ATRN: variants seen among roughly 807,000 people sequenced by gnomAD.
ATRN encodes the protein attractin, also known as attractin-2.
Under a neutral mutation model 178.7 loss-of-function variants are expected in ATRN, and 54 were observed. The ratio of observed to expected loss-of-function variants is 0.30; its 90% CI spans 0.24 to 0.38. The LOEUF (loss-of-function observed/expected upper bound fraction) is 0.38. Among genes scored for constraint, ATRN ranks in the 10% least tolerant of loss-of-function variants. The pLI, the probability that ATRN is intolerant of heterozygous loss-of-function variation, is 1.00. For synonymous variants in ATRN, 636 were observed against 663.0 expected (o/e 0.96, Z 0.63); for missense variants, 1,443 against 1,815.1 (o/e 0.79, Z 3.73).
At chr20:3,514,728 GGTGGGAAGATT>G (rs1246778520) in intron 1 of ATRN, among the ~76,000 whole-genome samples, 1 of 152,138 alleles carries the variant, frequency 6.6e-6, no homozygotes, top group Non-Finnish European at 1.5e-5. Flanking sequence ...GGGAGGCTGA[GGTGGGAAGATT>G]GCTTGAGGCC....
At chr20:3,559,283 T>G in intron 6 of ATRN, 110 bp from the exon 7 acceptor site, 1 of 822,730 alleles carries the variant, frequency 1.2e-6, no homozygotes, top group Non-Finnish European at 2.1e-6. Flanking sequence ...CCCCCCTACA[T>G]CCATGGTGGA....
chr20:3,530,555 C>T (rs1380722880), intron 1 of ATRN, among the ~76,000 whole-genome samples: 1 of 151,734 alleles, frequency 6.6e-6, no homozygotes, highest in Admixed American at 6.6e-5. Context: ...CTGGGGATTA[C>T]AGGTGTGAGC....
chr20:3,472,079 C>T (rs993792908), intron 1 of ATRN, among the ~76,000 whole-genome samples: 2 of 152,146 alleles, frequency 1.3e-5, no homozygotes, highest in African/African-American at 2.4e-5. Flanking sequence ...GGAAACTAGC[C>T]TTTTGGCAAA....
rs1228426547 is a variant in ATRN at position 3,484,230 on chromosome 20, C to CA, written c.410+12714dup. 4.7e-5 allele frequency among the ~76,000 whole-genome samples: 7 copies of CA among 150,440 alleles called. No homozygotes were observed. In the East Asian group the frequency reaches 1.4e-3, roughly 29 times the overall value. On this transcript the variant is annotated intron_variant, in intron 1 of 28. Transcript: ENST00000262919. ...CACTACTGCATTCTATCCTGGATGA[C>CA]AGAGAGGGACCTTGTCTTTAAAAAA... is the stretch of plus-strand genomic sequence containing the variant.
At chr20:3,518,631 T>A (rs927925083) in intron 1 of ATRN, among the ~76,000 whole-genome samples, 1 of 152,176 alleles carries the variant, frequency 6.6e-6, no homozygotes, top group Non-Finnish European at 1.5e-5. Flanking sequence ...AAAACTCTTA[T>A]TAAAAAGTAG....
At chr20:3,528,597 G>A (rs2085407217) in intron 1 of ATRN, among the ~76,000 whole-genome samples, 1 of 152,092 alleles carries the variant, frequency 6.6e-6, no homozygotes, top group Admixed American at 6.5e-5. Flanking sequence ...AGGGTGGAGA[G>A]TGGGAGGAGA....
Position 3,645,859 on chromosome 20 carries a change from C to T in ATRN, c.4166-864C>T, listed in dbSNP as rs1467532265. 6.6e-6 allele frequency among the ~76,000 whole-genome samples: 1 copy of T among 152,020 alleles called. No homozygotes were observed. Among genetic ancestry groups the T allele is most frequent in the Non-Finnish European group, 1.5e-5 (1 of 68,010 alleles). On this transcript the variant is annotated intron_variant, in intron 28 of 28. Transcript: ENST00000262919. This position sits in a 1 kb window ranked among gnomAD's most constrained non-coding sequence, Gnocchi z 4.7. ...GCTCCGAGCCTGCGCTGGCCATTTC[C>T]CACGTATATTAGGAATCCAGCTCCC...
At chr20:3,577,935 A>C (rs2086233847) in intron 14 of ATRN, among the ~76,000 whole-genome samples, 1 of 152,110 alleles carries the variant, frequency 6.6e-6, no homozygotes, top group South Asian at 2.1e-4. Context: ...GTTCTGGTGA[A>C]GTTGCTTTGT....
chr20:3,524,234 C>CA (rs761056301), intron 1 of ATRN, among the ~76,000 whole-genome samples: 7,978 of 96,116 alleles, frequency 0.083, 554 homozygotes, highest in African/African-American at 0.2. Context: ...AAATGGAAGC[C>CA]AAAAAAAAAA....
At chr20:3,605,067 A>G (rs896124059) in intron 24 of ATRN, among the ~76,000 whole-genome samples, 2 of 152,222 alleles carry the variant, frequency 1.3e-5, no homozygotes, top group African/African-American at 4.8e-5. Flanking sequence ...CCATGGAAGC[A>G]TGGTCACTGG....
intron 20 of ATRN, among the ~76,000 whole-genome samples, chr20:3,595,035 A>T (rs1465747212): frequency 6.6e-6 from 1 of 152,190 alleles, no homozygotes; most frequent in Non-Finnish European, 1.5e-5. Context: ...TTGTTGAAGC[A>T]TGTCAGGCAT....
intron 11 of ATRN, among the ~76,000 whole-genome samples, chr20:3,567,243 G>A (rs1333617674): frequency 1.3e-5 from 2 of 152,164 alleles, no homozygotes; most frequent in East Asian, 1.9e-4. Flanking sequence ...TCATTATCAT[G>A]CCTGTGGGAG....
At chr20:3,579,351 T>C (rs2146254150) in intron 15 of ATRN, among the ~76,000 whole-genome samples, 1 of 152,072 alleles carries the variant, frequency 6.6e-6, no homozygotes, top group Non-Finnish European at 1.5e-5. Context: ...CCAGGCATGG[T>C]GGTGTGCGCC....
At chr20:3,607,593 T>C (rs575585850) in intron 24 of ATRN, among the ~76,000 whole-genome samples, 49 of 152,368 alleles carry the variant, frequency 3.2e-4, no homozygotes, top group South Asian at 1.7e-3. Flanking sequence ...TTGTATAATA[T>C]ATACAACATT....
intron 1 of ATRN, among the ~76,000 whole-genome samples, chr20:3,501,839 G>A (rs2084968847): frequency 6.6e-6 from 1 of 152,154 alleles, no homozygotes; most frequent in Non-Finnish European, 1.5e-5. Context: ...CAGCATCGGG[G>A]GACACAGTTG....
At chr20:3,556,064 A>G (rs1600103323) in intron 6 of ATRN, among the ~76,000 whole-genome samples, 1 of 152,248 alleles carries the variant, frequency 6.6e-6, no homozygotes, top group East Asian at 1.9e-4. Flanking sequence ...ATACGAATAA[A>G]TTAGATACAG....
At chr20:3,617,627 T>C (rs1441229562) in intron 24 of ATRN, among the ~76,000 whole-genome samples, 2 of 151,940 alleles carry the variant, frequency 1.3e-5, no homozygotes, top group African/African-American at 2.4e-5. Context: ...GAGACCAGCC[T>C]GGGCAATATA....
intron 1 of ATRN, among the ~76,000 whole-genome samples, chr20:3,512,053 G>A (rs7509435): frequency 7.3e-6 from 1 of 136,598 alleles, no homozygotes; most frequent in African/African-American, 2.7e-5. Flanking sequence ...TTTTTTGGAA[G>A]GCCTGCACTG....
chr20:3,553,733 C>T (rs112803900), intron 6 of ATRN, among the ~76,000 whole-genome samples: 3,027 of 152,326 alleles, frequency 0.02, 45 homozygotes, highest in Non-Finnish European at 0.026. Context: ...GTTTGCCCTT[C>T]CCTTGGTCTA....
Sources: gnomAD v4.1 joint callset for allele counts (sites outside exome capture counted in the v4.1 genomes callset) on GRCh38, gnomAD v4.1.1 for gene constraint, Gnocchi (gnomAD v3.1) non-coding constraint, MANE v1.5 for transcripts, NCBI Gene and HGNC (gene_info 2026-07-23, HGNC 2026-07-21) for gene names.